The following PLCB4 variants were observed in gnomAD, a reference collection of about 807,000 sequenced individuals.
The protein encoded by PLCB4 is phospholipase C beta 4.
A neutral mutation model predicts 178.8 loss-of-function variants in PLCB4; 77 were observed. The observed-to-expected ratio is 0.43, with a 90% CI of 0.36 to 0.52. The LOEUF is 0.52. Ranked by LOEUF, PLCB4 falls within the 20% of genes least tolerant of loss-of-function variation. The pLI, the probability that PLCB4 is intolerant of heterozygous loss-of-function variation, is 0.00. For missense variants in PLCB4, 1,024 were observed against 1,453.4 expected (o/e 0.70, Z 4.80); for synonymous variants, 496 against 490.8 (o/e 1.01, Z -0.14).
chr20:9,307,762 A>G, intron 3 of PLCB4, 38 bp from the exon 4 acceptor site: 1 of 961,334 alleles, frequency 1.0e-6, no homozygotes, highest in South Asian at 1.5e-5. Flanking sequence ...TTGTTTTTTC[A>G]TTTTATATAC....
At chr20:9,444,447 TA>T (rs1371578782) in intron 32 of PLCB4, among the ~76,000 whole-genome samples, 13 of 152,194 alleles carry the variant, frequency 8.5e-5, no homozygotes, top group African/African-American at 2.9e-4. Context: ...TTCAAATGCA[TA>T]ACAAAGCTTC....
intron 2 of PLCB4, among the ~76,000 whole-genome samples, chr20:9,153,995 C>G (rs1049490715): frequency 6.6e-6 from 1 of 152,138 alleles, no homozygotes; most frequent in Non-Finnish European, 1.5e-5. Context: ...CTACATGGTA[C>G]TGATGAGAAG....
chr20:9,114,483 A>G (rs1036779297), intron 2 of PLCB4, among the ~76,000 whole-genome samples: 1 of 152,086 alleles, frequency 6.6e-6, no homozygotes, highest in African/African-American at 2.4e-5. Context: ...AGGGAGGGTA[A>G]TGATAGTCTG....
chr20:9,142,147 G>A (rs1314182109), intron 2 of PLCB4, among the ~76,000 whole-genome samples: 4 of 152,116 alleles, frequency 2.6e-5, no homozygotes, highest in Admixed American at 6.5e-5. Context: ...TGAGGAAGAG[G>A]CTGGAGCCAG....
chr20:9,373,232 A>G, intron 12 of PLCB4, 128 bp downstream of exon 12: 1 of 546,886 alleles, frequency 1.8e-6, no homozygotes. Context: ...TCTTTCCATT[A>G]TGGCTTTACC....
chr20:9,425,488 G>A (rs8115859), intron 28 of PLCB4, among the ~76,000 whole-genome samples: 2,570 of 152,314 alleles, frequency 0.017, 69 homozygotes, highest in African/African-American at 0.057. Flanking sequence ...TATGCCAAGA[G>A]CTTTATGTAA....
chr20:9,362,290 C>T (rs1268096361), intron 7 of PLCB4, among the ~76,000 whole-genome samples: 1 of 152,154 alleles, frequency 6.6e-6, no homozygotes, highest in African/African-American at 2.4e-5. Flanking sequence ...CTTCACTTGT[C>T]CTTGTAAAAC....
chr20:9,258,335 C>A (rs1000045426), intron 3 of PLCB4, among the ~76,000 whole-genome samples: 2 of 152,130 alleles, frequency 1.3e-5, no homozygotes, highest in African/African-American at 4.8e-5. Flanking sequence ...TAACTAAACA[C>A]ATTTTCACGA....
chr20:9,450,883 A>C (rs979550964), intron 32 of PLCB4, among the ~76,000 whole-genome samples: 4 of 151,830 alleles, frequency 2.6e-5, no homozygotes, highest in Admixed American at 1.3e-4. Context: ...TCCTGACCTC[A>C]GGTGATTTAT....
intron 7 of PLCB4, among the ~76,000 whole-genome samples, chr20:9,360,774 G>A (rs1344599383): frequency 6.6e-6 from 1 of 152,148 alleles, no homozygotes; most frequent in African/African-American, 2.4e-5. Flanking sequence ...TCTTCCTTCA[G>A]AATCCTGACC....
intron 3 of PLCB4, among the ~76,000 whole-genome samples, chr20:9,232,802 A>C (rs2093947671): frequency 6.6e-6 from 1 of 152,156 alleles, no homozygotes; most frequent in African/African-American, 2.4e-5. Context: ...TGGAAGAGAC[A>C]AAAGTAAATA....
intron 3 of PLCB4, among the ~76,000 whole-genome samples, chr20:9,258,646 C>T (rs1231344160): frequency 1.5e-5 from 2 of 136,050 alleles, no homozygotes; most frequent in African/African-American, 2.9e-5. Context: ...ACTCGGGAGG[C>T]GGAGGTTGCA....
At chr20:9,221,585 T>G (rs996941425) in intron 3 of PLCB4, among the ~76,000 whole-genome samples, 1 of 152,164 alleles carries the variant, frequency 6.6e-6, no homozygotes, top group African/African-American at 2.4e-5. Flanking sequence ...TGGTGTAGGT[T>G]AAGCACTTTC....
At chr20:9,328,590 C>G (rs1271058201) in intron 4 of PLCB4, among the ~76,000 whole-genome samples, 1 of 152,160 alleles carries the variant, frequency 6.6e-6, no homozygotes, top group Non-Finnish European at 1.5e-5. Flanking sequence ...GACTGCTGAG[C>G]AGTTACCTGA....
chr20:9,290,213 G>GCA (rs2094568879), intron 3 of PLCB4, among the ~76,000 whole-genome samples: 1 of 151,046 alleles, frequency 6.6e-6, no homozygotes, highest in Non-Finnish European at 1.5e-5. Context: ...GCAGACACAA[G>GCA]GACCAAAGCA....
intron 32 of PLCB4, among the ~76,000 whole-genome samples, chr20:9,450,658 C>CTTTTCTT (rs2042701358): frequency 1.0e-5 from 1 of 100,248 alleles, no homozygotes; most frequent in Non-Finnish European, 2.1e-5. Flanking sequence ...CTTTTCTTTT[C>CTTTTCTT]TTTTTTTTTT....
At chr20:9,389,742 C>T (rs1176097724) in intron 15 of PLCB4, 137 bp from the exon 16 acceptor site, 1 of 588,070 alleles carries the variant, frequency 1.7e-6, no homozygotes, top group Non-Finnish European at 3.0e-6. Flanking sequence ...TTAGAGGTGT[C>T]AAGGTAGATG....
At chr20:9,390,956 G>T (rs964184953) in intron 17 of PLCB4, among the ~76,000 whole-genome samples, 8 of 152,136 alleles carry the variant, frequency 5.3e-5, no homozygotes, top group African/African-American at 1.9e-4. Flanking sequence ...ACCTGTGCCA[G>T]GGCCCCACTT....
chr20:9,436,679 C>T (rs1234342885), intron 29 of PLCB4, among the ~76,000 whole-genome samples: 1 of 152,174 alleles, frequency 6.6e-6, no homozygotes, highest in African/African-American at 2.4e-5. Context: ...ATTGATTTTT[C>T]ACTGTTTGCC....
Sources: allele counts gnomAD v4.1 joint callset (sites outside exome capture counted in the v4.1 genomes callset), GRCh38; gene constraint gnomAD v4.1.1; transcripts MANE v1.5; gene names NCBI Gene and HGNC (gene_info 2026-07-23, HGNC 2026-07-21).